RPTOR: variants seen among roughly 807,000 people sequenced by gnomAD.
The protein encoded by RPTOR is regulatory associated protein of MTOR complex 1, also known as regulatory-associated protein of mTOR.
A neutral mutation model predicts 169.9 loss-of-function variants in RPTOR; 21 were observed. The ratio of observed to expected loss-of-function variants is 0.12; its 90% CI spans 0.09 to 0.18. The LOEUF is 0.18. Ranked by LOEUF, RPTOR falls within the 10% of genes least tolerant of loss-of-function variation. The pLI, the probability that RPTOR is intolerant of heterozygous loss-of-function variation, is 1.00. For missense variants in RPTOR, 1,133 were observed against 1,855.9 expected (o/e 0.61, Z 7.16); for synonymous variants, 732 against 753.2 (o/e 0.97, Z 0.46).
chr17:80,568,923 C>A (rs979525430), intron 1 of RPTOR, among the ~76,000 whole-genome samples: 10 of 152,164 alleles, frequency 6.6e-5, no homozygotes, highest in Non-Finnish European at 1.2e-4. Flanking sequence ...AAGTGACCTC[C>A]CATGGTGTCA....
rs1324670815 is a variant in RPTOR at position 80,964,471 on chromosome 17, G to T, written c.*141G>T. 6.4e-6 allele frequency: 5 copies of T among 777,506 alleles called. No homozygotes were observed. The Admixed American group carries it at 8.6e-5, about 13-fold the overall frequency. 48.2% of individuals were successfully genotyped at this position (777,506 alleles called of 1,614,324 possible). A position where few individuals can be genotyped will look rare whatever the true frequency, so the allele number is the denominator to read the frequency against. On this transcript the variant is annotated 3_prime_UTR_variant, in exon 34 of 34. Transcript: ENST00000306801. Reference sequence around the variant, plus strand: ...CCTTAGCTGCTGATGACGGCAGGAGGGCCCTGCTACTCGCTTTTGTCTGTC... The same window carrying T: ...CCTTAGCTGCTGATGACGGCAGGAGTGCCCTGCTACTCGCTTTTGTCTGTC...
At chr17:80,819,644 T>C (rs914219024) in intron 7 of RPTOR, among the ~76,000 whole-genome samples, 1 of 152,196 alleles carries the variant, frequency 6.6e-6, no homozygotes, top group Non-Finnish European at 1.5e-5. Context: ...TTCCGACTTT[T>C]ACATGTGGTA....
intron 1 of RPTOR, among the ~76,000 whole-genome samples, chr17:80,579,746 C>G (rs2064998776): frequency 6.6e-6 from 1 of 152,164 alleles, no homozygotes. Flanking sequence ...AAAGTTCAAC[C>G]TTTTTTGTAA....
At position 80,845,419 on chromosome 17, in the gene RPTOR, C is replaced by G. The variant is rs151272233; in HGVS notation, c.1213-1054C>G. ...TCACCCCAGAGAGTACCCTCGTTTC[C>G]CATTTCACTGAGGAAACAAGAAGCA... On this transcript the variant is annotated intron_variant, in intron 10 of 33. Transcript: ENST00000306801. The surrounding 1 kb of genome is among the most constrained non-coding windows in gnomAD (Gnocchi z 5.4). Among the ~76,000 whole-genome samples the G allele has an allele frequency of 5.8e-4, 88 of 152,308 alleles. No individual in the cohort carries two copies. The highest frequency in any genetic ancestry group is 1.1e-3 in the Non-Finnish European group (76 of 68,024).
intron 6 of RPTOR, among the ~76,000 whole-genome samples, chr17:80,774,762 G>A (rs779339852): frequency 7.2e-5 from 11 of 152,196 alleles, no homozygotes; most frequent in South Asian, 2.1e-4. Flanking sequence ...GCCACATCCC[G>A]CAGTGTTTCC....
chr17:80,931,040 T>A (rs2068891135), intron 24 of RPTOR, among the ~76,000 whole-genome samples: 1 of 152,222 alleles, frequency 6.6e-6, no homozygotes, highest in Non-Finnish European at 1.5e-5. Flanking sequence ...CCGTGCATTC[T>A]TAGAGAGTTT....
At chr17:80,943,101 C>T (rs1046445599) in intron 25 of RPTOR, among the ~76,000 whole-genome samples, 7 of 152,178 alleles carry the variant, frequency 4.6e-5, no homozygotes, top group Non-Finnish European at 1.0e-4. Context: ...GTAGCTCACC[C>T]GAGGTGCCGA....
rs1417499014 is a variant in RPTOR, at chr17:80,708,851, C to A, written c.507+852C>A. 1.4e-5 allele frequency: 11 copies of A among 811,270 alleles called. No individual in the cohort carries two copies. Among genetic ancestry groups the A allele is most frequent in the Non-Finnish European group, 1.6e-5 (11 of 670,866 alleles). The allele number at this position is 811,270 out of a possible 1,614,324, so 50.3% of individuals were successfully genotyped here. On this transcript the variant is annotated intron_variant, in intron 4 of 33. Transcript: ENST00000306801. The surrounding 1 kb of genome is among the most constrained non-coding windows in gnomAD (Gnocchi z 4.2). ...GTCTATGAGGGCACTGATTTGGAAT[C>A]CAGCAAATCCGAGTCCCAGTTTCGG...
At chr17:80,877,834 T>TCCCTGACCACCCGCTCCC in intron 13 of RPTOR, among the ~76,000 whole-genome samples, 1 of 152,104 alleles carries the variant, frequency 6.6e-6, no homozygotes, top group South Asian at 2.1e-4. Context: ...GGCCGGCGCC[T>TCCCTGACCACCCGCTCCC]GGCTCCCTGA....
At chr17:80,682,648 C>T (rs1020070964) in intron 3 of RPTOR, among the ~76,000 whole-genome samples, 1 of 152,208 alleles carries the variant, frequency 6.6e-6, no homozygotes, top group Non-Finnish European at 1.5e-5. Flanking sequence ...CCAGAGGGAG[C>T]GTGGCCCTGC....
chr17:80,636,045 T>C (rs1475714884), intron 2 of RPTOR, among the ~76,000 whole-genome samples: 1 of 152,182 alleles, frequency 6.6e-6, no homozygotes, highest in East Asian at 1.9e-4. Flanking sequence ...TTGAGGTCTA[T>C]TACTAGAAAT....
At chr17:80,829,325 C>T (rs896558477) in intron 9 of RPTOR, among the ~76,000 whole-genome samples, 3 of 152,116 alleles carry the variant, frequency 2.0e-5, no homozygotes, top group Non-Finnish European at 4.4e-5. Context: ...TCCAGGAGGG[C>T]GCGGGCATGG....
intron 14 of RPTOR, among the ~76,000 whole-genome samples, chr17:80,882,095 A>G (rs1259237941): frequency 6.6e-6 from 1 of 152,240 alleles, no homozygotes; most frequent in Non-Finnish European, 1.5e-5. Context: ...CAGACAGCCA[A>G]GAAGAGAATT....
intron 7 of RPTOR, chr17:80,805,321 G>A (rs765286767): frequency 6.6e-6 from 1 of 152,298 alleles, no homozygotes; most frequent in Non-Finnish European, 1.5e-5. Context: ...TTGCAGAGAA[G>A]CTCCCTGATG....
intron 3 of RPTOR, among the ~76,000 whole-genome samples, chr17:80,669,675 G>T (rs771102218): frequency 2.6e-5 from 4 of 152,224 alleles, no homozygotes; most frequent in Non-Finnish European, 5.9e-5. Flanking sequence ...GCGCCACCGC[G>T]CCCGGCCCAG....
At chr17:80,666,421 C>G (rs968961606) in intron 3 of RPTOR, among the ~76,000 whole-genome samples, 3 of 152,068 alleles carry the variant, frequency 2.0e-5, no homozygotes, top group Admixed American at 2.0e-4. Context: ...AGAGTTAGGT[C>G]CTTGCCGTGA....
At chr17:80,731,039 T>C (rs572336980) in intron 5 of RPTOR, among the ~76,000 whole-genome samples, 2 of 152,194 alleles carry the variant, frequency 1.3e-5, no homozygotes, top group South Asian at 4.2e-4. Flanking sequence ...CCACCATGCC[T>C]AGCTAATTTT....
At chr17:80,771,681 C>CT (rs1294567683) in intron 6 of RPTOR, among the ~76,000 whole-genome samples, 12 of 145,674 alleles carry the variant, frequency 8.2e-5, no homozygotes, top group Middle Eastern at 6.9e-3. Flanking sequence ...GGAAACCCTG[C>CT]TGCCTCCATT....
At chr17:80,584,251 C>T (rs1358699124) in intron 1 of RPTOR, among the ~76,000 whole-genome samples, 1 of 152,058 alleles carries the variant, frequency 6.6e-6, no homozygotes, top group Non-Finnish European at 1.5e-5. Context: ...TGGATTTTTA[C>T]TGAGAGCTCT....
Sources: allele counts gnomAD v4.1 joint callset (sites outside exome capture counted in the v4.1 genomes callset), GRCh38; gene constraint gnomAD v4.1.1; non-coding constraint Gnocchi (gnomAD v3.1); transcripts MANE v1.5; gene names NCBI Gene and HGNC (gene_info 2026-07-23, HGNC 2026-07-21).